ZNF333: variants seen among roughly 807,000 people sequenced by gnomAD.
The protein encoded by ZNF333 is zinc finger protein 333.
A neutral mutation model predicts 76.1 loss-of-function variants in ZNF333; 61 were observed. The ratio of observed to expected loss-of-function variants is 0.80; its 90% CI spans 0.65 to 0.99. The LOEUF (loss-of-function observed/expected upper bound fraction) is 0.99. ZNF333 is among the 50% of genes least tolerant of loss of function. The probability of loss-of-function intolerance (pLI) is 0.00; values close to 1 mark genes in which losing one functional copy is unlikely to be tolerated. For missense variants in ZNF333, 717 were observed against 822.4 expected (o/e 0.87, Z 1.57); for synonymous variants, 284 against 305.0 (o/e 0.93, Z 0.72).
chr19:14,726,854 A>G (rs1455867857), downstream of ZNF333, among the ~76,000 whole-genome samples: 4 of 151,994 alleles, frequency 2.6e-5, no homozygotes, highest in East Asian at 5.8e-4. Flanking sequence ...AGAAGTTCCA[A>G]ACTTTCTCTC....
downstream of ZNF333, among the ~76,000 whole-genome samples, chr19:14,722,302 C>T (rs2042599077): frequency 6.6e-6 from 1 of 152,224 alleles, no homozygotes; most frequent in Non-Finnish European, 1.5e-5. Context: ...TGAAGACGAG[C>T]TTGGTCATGT....
chr19:14,714,026 ATGGAGGTCAC>A (rs1179711651), intron 7 of ZNF333, among the ~76,000 whole-genome samples: 2 of 152,092 alleles, frequency 1.3e-5, no homozygotes, highest in African/African-American at 4.8e-5. Context: ...CCCAGCACGG[ATGGAGGTCAC>A]TGGTGATTCC....
intron 4 of ZNF333, among the ~76,000 whole-genome samples, chr19:14,697,555 C>A (rs1973307733): frequency 6.6e-6 from 1 of 151,792 alleles, no homozygotes; most frequent in Non-Finnish European, 1.5e-5. Context: ...AGAGACCATT[C>A]TTCCTATGTT....
chr19:14,718,499 A>C lies in ZNF333; in HGVS notation c.1172A>C (p.Glu391Ala). The change falls in exon 12 of 12, where the codon GAG becomes GCG. Residue 391 changes from glutamate to alanine, a missense_variant. Glu to Ala is a moderately radical substitution (Grantham distance 107, BLOSUM62 -1). Transcript: ENST00000292530. ...AGGCATGAGAAGACTCATACTGCAG[A>C]GAAGTGCTTTGACTGTCAAGAATGT... ...LIRHEKTHTA[E>A]KCFDCQECGQ... 6.2e-7 allele frequency: 1 copy of C among 1,614,276 alleles called. No homozygotes were observed. Among genetic ancestry groups the C allele is most frequent in the Non-Finnish European group, 8.5e-7 (1 of 1,180,050 alleles).
At chr19:14,705,915 A>C (rs1447319532) in intron 6 of ZNF333, among the ~76,000 whole-genome samples, 1 of 152,162 alleles carries the variant, frequency 6.6e-6, no homozygotes, top group African/African-American at 2.4e-5. Context: ...GGTGCCAAAA[A>C]GGTTGGTGAC....
At chr19:14,728,965 C>A (rs1428975338) in intron 11 of ZNF333, among the ~76,000 whole-genome samples, 5 of 152,156 alleles carry the variant, frequency 3.3e-5, no homozygotes, top group Admixed American at 2.6e-4. Flanking sequence ...GCGAATATTT[C>A]TCTCAAATAA....
chr19:14,702,274 G>A (rs1384899092), intron 5 of ZNF333, among the ~76,000 whole-genome samples: 1 of 152,194 alleles, frequency 6.6e-6, no homozygotes, highest in Non-Finnish European at 1.5e-5. Flanking sequence ...CAGCAACTCC[G>A]GAAGCTGAGG....
intron 7 of ZNF333, 89 bp from the exon 8 acceptor site, chr19:14,715,293 A>T: frequency 9.3e-7 from 1 of 1,074,902 alleles, no homozygotes. Flanking sequence ...ACATGTGATC[A>T]CTCACAGCCA....
rs546081917 is a variant in ZNF333 at position 14,699,124 on chromosome 19, A to G, written c.224-75A>G. ...AGTGTGTATATATATTCACATATATATGTGAATATATATTTTCAATTAATG... is the reference window on the plus strand; with the variant it reads ...AGTGTGTATATATATTCACATATATGTGTGAATATATATTTTCAATTAATG... On this transcript the variant is annotated intron_variant, in intron 4 of 11. Coordinates refer to ENST00000292530, the MANE Select transcript of ZNF333 (RefSeq NM_032433.4). 2.7e-6 allele frequency: 3 copies of G among 1,120,246 alleles called. No homozygotes were observed. In the South Asian group the frequency reaches 3.7e-5, roughly 14 times the overall value. 69.4% of individuals were successfully genotyped at this position (1,120,246 alleles called of 1,614,324 possible).
exon 12 of ZNF333, chr19:14,731,273 GC>G (rs1440416356): frequency 7.7e-7 from 1 of 1,303,878 alleles, no homozygotes; most frequent in East Asian, 2.5e-5. Context: ...CACTACTGGG[GC>G]TTGAAGACTC....
At chr19:14,698,935 T>TATATATATATATATATATAC (rs1180611568) in intron 4 of ZNF333, among the ~76,000 whole-genome samples, 3 of 139,330 alleles carry the variant, frequency 2.2e-5, no homozygotes, top group African/African-American at 8.3e-5. Context: ...TATATATATA[T>TATATATATATATATATATAC]ACACACATAT....
In ZNF333 at chr19:14,718,794, A is replaced by G. The variant is rs1364888225; in HGVS notation, c.1467A>G (p.Glu489=). The change falls in exon 12 of 12, where the codon GAA becomes GAG. Residue 489 remains glutamate, a synonymous_variant. Transcript: ENST00000292530. Reference sequence around the variant, plus strand: ...GCCAGTGTGGGAAAGCCTTCAGGGAACACTCTTCACTGAAGACACATCTGC... The same window carrying G: ...GCCAGTGTGGGAAAGCCTTCAGGGAGCACTCTTCACTGAAGACACATCTGC... ...ECSQCGKAFR[E]HSSLKTHLRT... The G allele has an allele frequency of 1.2e-6, 2 of 1,610,984 alleles. No homozygotes were observed.
rs776128581 is a variant in ZNF333, at chr19:14,717,019, G to T, written c.753G>T (p.Ala251=). The change falls in exon 10 of 12, where the codon GCG becomes GCT. Residue 251 remains alanine, a synonymous_variant. Transcript: ENST00000292530. Reference sequence around the variant, plus strand: ...CTGATCAACTGTGCAAACCCAATGCGTTGTCTTATTTGGAAGAAAGAGGAG... The same window carrying T: ...CTGATCAACTGTGCAAACCCAATGCTTTGTCTTATTTGGAAGAAAGAGGAG... ...SVADQLCKPN[A]LSYLEERGEQ... The T allele has an allele frequency of 4.3e-6, 7 of 1,612,262 alleles. No individual in the cohort carries two copies. Among genetic ancestry groups the T allele is most frequent in the Middle Eastern group, 3.3e-4 (2 of 6,062 alleles).
In ZNF333 at chr19:14,721,808, A is replaced by C. The variant is rs1416401551; in HGVS notation, c.*2483A>C. On this transcript the variant is annotated 3_prime_UTR_variant, in exon 12 of 12. Coordinates refer to ENST00000292530, the MANE Select transcript of ZNF333 (RefSeq NM_032433.4). ...TTTATCCATTCATCCACCGATGGAC[A>C]GTTAGGTTGATTCCATATCTTGGCT... 3 of 152,224 alleles carry C rather than the reference A, an allele frequency of 2.0e-5. No homozygotes were observed. The highest frequency in any genetic ancestry group is 4.4e-5 in the Non-Finnish European group (3 of 68,048). 9.4% of individuals were successfully genotyped at this position (152,224 alleles called of 1,614,324 possible).
At chr19:14,698,844 A>G (rs1428572194) in intron 4 of ZNF333, among the ~76,000 whole-genome samples, 1 of 105,566 alleles carries the variant, frequency 9.5e-6, no homozygotes. Flanking sequence ...TGTCTCAAAA[A>G]AAACAAAAAA....
chr19:14,693,018 G>C (rs1481986137), intron 1 of ZNF333, among the ~76,000 whole-genome samples: 1 of 151,920 alleles, frequency 6.6e-6, no homozygotes, highest in Non-Finnish European at 1.5e-5. Context: ...GTAGAGATGG[G>C]GTTTCACCAT....
chr19:14,699,467 T>C, intron 5 of ZNF333, 186 bp downstream of exon 5: 2 of 400,120 alleles, frequency 5.0e-6, no homozygotes, highest in Non-Finnish European at 9.1e-6. Context: ...GCTCAAGACT[T>C]TTTTTTTTTT....
intron 7 of ZNF333, among the ~76,000 whole-genome samples, chr19:14,712,329 C>T (rs968615480): frequency 1.3e-5 from 2 of 151,930 alleles, no homozygotes; most frequent in Non-Finnish European, 2.9e-5. Flanking sequence ...ACGTGATTCT[C>T]GTGCCTCAGC....
chr19:14,693,207 GTAGAAGA>G (rs1972903849), intron 1 of ZNF333, among the ~76,000 whole-genome samples: 1 of 152,216 alleles, frequency 6.6e-6, no homozygotes, highest in Non-Finnish European at 1.5e-5. Context: ...TGGAGGAAAA[GTAGAAGA>G]TCTTAGAAGT....
Sources: allele counts gnomAD v4.1 joint callset (sites outside exome capture counted in the v4.1 genomes callset), GRCh38; gene constraint gnomAD v4.1.1; transcripts MANE v1.5; gene names NCBI Gene and HGNC (gene_info 2026-07-23, HGNC 2026-07-21).